DENND1A: variants seen among roughly 807,000 people sequenced by gnomAD.
The protein encoded by DENND1A is DENN domain containing 1A, also known as DENN domain-containing protein 1A.
Under a neutral mutation model 113.7 loss-of-function variants are expected in DENND1A, and 51 were observed. The ratio of observed to expected loss-of-function variants is 0.45; its 90% CI spans 0.36 to 0.57. DENND1A has a LOEUF of 0.57. DENND1A is among the 20% of genes least tolerant of loss of function. The pLI is 0.00. For synonymous variants in DENND1A, 565 were observed against 570.8 expected, an observed-to-expected ratio of 0.99 and a Z score of 0.14; for missense variants, 1,258 against 1,395.9, an observed-to-expected ratio of 0.90 and a Z score of 1.57.
chr9:123,540,614 G>A (rs911118466), intron 13 of DENND1A, among the ~76,000 whole-genome samples: 2 of 152,228 alleles, frequency 1.3e-5, no homozygotes, highest in African/African-American at 4.8e-5. Flanking sequence ...CTTTAGGACA[G>A]ACTGGTCTCC....
chr9:123,900,640 A>G (rs1851471680), intron 1 of DENND1A, among the ~76,000 whole-genome samples: 1 of 152,202 alleles, frequency 6.6e-6, no homozygotes, highest in South Asian at 2.1e-4. Context: ...GACAAAATAC[A>G]CTTAGAATCA....
intron 5 of DENND1A, among the ~76,000 whole-genome samples, chr9:123,738,978 T>C (rs2068781732): frequency 6.6e-6 from 1 of 152,204 alleles, no homozygotes; most frequent in African/African-American, 2.4e-5. Flanking sequence ...CATGCATATG[T>C]ACATATACAC....
chr9:123,720,031 C>T (rs566049260), intron 5 of DENND1A, among the ~76,000 whole-genome samples: 7 of 152,200 alleles, frequency 4.6e-5, no homozygotes, highest in Non-Finnish European at 1.0e-4. Flanking sequence ...TAAGTACCGA[C>T]CACAAATCAT....
chr9:123,710,758 C>T (rs2066529781), intron 5 of DENND1A, among the ~76,000 whole-genome samples: 1 of 151,784 alleles, frequency 6.6e-6, no homozygotes, highest in Non-Finnish European at 1.5e-5. Flanking sequence ...CTGCAACCTC[C>T]ATCTCCCGGC....
intron 22 of DENND1A, among the ~76,000 whole-genome samples, chr9:123,385,636 G>A (rs990087460): frequency 6.6e-6 from 1 of 152,218 alleles, no homozygotes; most frequent in African/African-American, 2.4e-5. Flanking sequence ...AACAGTCCCA[G>A]TGATGGGCAG....
At chr9:123,417,139 C>T (rs954217932) in intron 19 of DENND1A, among the ~76,000 whole-genome samples, 9 of 152,210 alleles carry the variant, frequency 5.9e-5, no homozygotes, top group Non-Finnish European at 1.2e-4. Context: ...TTACAAGCAT[C>T]GGTGTGAGGA....
chr9:123,641,034 G>A (rs2062000175), intron 9 of DENND1A, among the ~76,000 whole-genome samples: 1 of 152,198 alleles, frequency 6.6e-6, no homozygotes, highest in African/African-American at 2.4e-5. Context: ...AAATGTGAAT[G>A]TGCTCCGTGT....
intron 19 of DENND1A, among the ~76,000 whole-genome samples, chr9:123,419,043 C>G (rs1052545923): frequency 3.3e-5 from 5 of 152,372 alleles, no homozygotes; most frequent in Admixed American, 2.6e-4. Flanking sequence ...ACAGCAGGGC[C>G]ACACAGAAGG....
intron 2 of DENND1A, among the ~76,000 whole-genome samples, chr9:123,810,549 C>CAAAAAA (rs1159557273): frequency 2.1e-3 from 97 of 45,850 alleles, no homozygotes; most frequent in Non-Finnish European, 2.7e-3. Context: ...CATGTCTCTA[C>CAAAAAA]AAAAAAAAAA....
intron 12 of DENND1A, among the ~76,000 whole-genome samples, chr9:123,573,004 T>C (rs1027392024): frequency 6.6e-6 from 1 of 152,168 alleles, no homozygotes; most frequent in Admixed American, 6.5e-5. Flanking sequence ...TTTTTCCATA[T>C]AGATATCCAG....
chr9:123,514,065 GGTGT>G (rs775882728), intron 13 of DENND1A, among the ~76,000 whole-genome samples: 56 of 109,300 alleles, frequency 5.1e-4, no homozygotes, highest in African/African-American at 1.4e-3. Flanking sequence ...TCTATTTTGA[GGTGT>G]GTGTGTGTGT....
chr9:123,429,313 T>C (rs1388418202), intron 19 of DENND1A, among the ~76,000 whole-genome samples: 1 of 152,200 alleles, frequency 6.6e-6, no homozygotes, highest in African/African-American at 2.4e-5. Context: ...CCCAGCACTT[T>C]TGGAGGCCGG....
chr9:123,493,523 C>T (rs1195571659), intron 13 of DENND1A, among the ~76,000 whole-genome samples: 1 of 152,144 alleles, frequency 6.6e-6, no homozygotes. Flanking sequence ...GAAATGCCTG[C>T]TCCATTGCCA....
intron 2 of DENND1A, among the ~76,000 whole-genome samples, chr9:123,864,968 T>TAAA (rs1399593026): frequency 1.3e-5 from 2 of 152,276 alleles, no homozygotes; most frequent in African/African-American, 4.8e-5. Flanking sequence ...TTGGAGCTGA[T>TAAA]ATTCTTAGAC....
chr9:123,833,725 A>G (rs931120365), intron 2 of DENND1A, among the ~76,000 whole-genome samples: 5 of 150,636 alleles, frequency 3.3e-5, no homozygotes, highest in Non-Finnish European at 7.4e-5. Flanking sequence ...TTCAGACTTT[A>G]GAAAGATCTT....
rs535538892 is a variant in DENND1A at position 123,381,271 on chromosome 9, A to G, written c.*161T>C. ...GTGCCATTCCCCAGGGCCAGACATC[A>G]GAGATGGGCAGTGTGGAGGGGAGGA... On this transcript the variant is annotated 3_prime_UTR_variant, in exon 24 of 24. Transcript: ENST00000394215. The surrounding 1 kb of genome is among the most constrained non-coding windows in gnomAD (Gnocchi z 4.7). The G allele has an allele frequency of 1.5e-4, 104 of 680,356 alleles. 1 individual carries two copies. The African/African-American group carries it at 1.8e-3, about 12-fold the overall frequency. The allele number at this position is 680,356 out of a possible 1,614,324, so 42.1% of individuals were successfully genotyped here.
At chr9:123,649,407 T>C (rs763278419) in intron 9 of DENND1A, among the ~76,000 whole-genome samples, 18 of 152,288 alleles carry the variant, frequency 1.2e-4, no homozygotes, top group Admixed American at 2.6e-4. Flanking sequence ...TCTTGTGCAG[T>C]CTTTGTGTTG....
intron 6 of DENND1A, among the ~76,000 whole-genome samples, chr9:123,673,691 C>T (rs944975544): frequency 1.3e-5 from 2 of 152,214 alleles, no homozygotes; most frequent in Admixed American, 6.5e-5. Context: ...ATAGGCACTT[C>T]ACATCTCTAT....
At chr9:123,649,932 AAAT>A (rs2062554203) in intron 9 of DENND1A, among the ~76,000 whole-genome samples, 1 of 152,262 alleles carries the variant, frequency 6.6e-6, no homozygotes, top group Admixed American at 6.5e-5. Context: ...AGTAAGGATT[AAAT>A]GAGTTCATAC....
Sources: allele counts gnomAD v4.1 joint callset (sites outside exome capture counted in the v4.1 genomes callset), GRCh38; gene constraint gnomAD v4.1.1; non-coding constraint Gnocchi (gnomAD v3.1); transcripts MANE v1.5; gene names NCBI Gene and HGNC (gene_info 2026-07-23, HGNC 2026-07-21).